ARID4B: variants seen among roughly 807,000 people sequenced by gnomAD.
ARID4B encodes AT-rich interaction domain 4B, also known as AT-rich interactive domain-containing protein 4B.
A neutral mutation model predicts 147.5 loss-of-function variants in ARID4B; 26 were observed. The ratio of observed to expected loss-of-function variants is 0.18; its 90% confidence interval spans 0.13 to 0.24. The LOEUF (loss-of-function observed/expected upper bound fraction) is 0.24, where lower values mean the gene tolerates loss of function less well. Ranked by LOEUF, ARID4B falls within the 10% of genes least tolerant of loss-of-function variation. ARID4B has a pLI of 1.00. For missense variants in ARID4B, 1,179 were observed against 1,511.5 expected, an observed-to-expected ratio of 0.78 and a Z score of 3.65; for synonymous variants, 512 against 507.9, an observed-to-expected ratio of 1.01 and a Z score of -0.11.
chr1:235,239,511 C>T (rs539610046), intron 8 of ARID4B, among the ~76,000 whole-genome samples: 34 of 152,184 alleles, frequency 2.2e-4, no homozygotes, highest in African/African-American at 7.5e-4. Context: ...TAGTTATGTC[C>T]GTGAAAGATA....
intron 20 of ARID4B, among the ~76,000 whole-genome samples, chr1:235,178,841 G>C (rs929884866): frequency 7.7e-6 from 1 of 130,716 alleles, no homozygotes; most frequent in Admixed American, 8.1e-5. Context: ...TTAACTGTCT[G>C]CAACTTCCTA....
At chr1:235,246,544 T>C in intron 6 of ARID4B, 33 bp from the exon 7 acceptor site, 1 of 1,496,066 alleles carries the variant, frequency 6.7e-7, no homozygotes, top group Non-Finnish European at 9.3e-7. Context: ...ATCAAAAAAT[T>C]AACACTTTGC....
intron 12 of ARID4B, among the ~76,000 whole-genome samples, chr1:235,223,685 A>ATTTT (rs58659735): frequency 1.5e-5 from 2 of 134,646 alleles, no homozygotes; most frequent in African/African-American, 2.7e-5. Context: ...GTAAAGCTAC[A>ATTTT]TTTTTTTTTT....
chr1:235,322,996 T>C (rs1178179361), intron 2 of ARID4B, among the ~76,000 whole-genome samples: 1 of 151,758 alleles, frequency 6.6e-6, no homozygotes, highest in Non-Finnish European at 1.5e-5. Context: ...GAAAGAAAAG[T>C]ACATCTGGAA....
At chr1:235,200,003 G>GAAA (rs61519256) in intron 17 of ARID4B, among the ~76,000 whole-genome samples, 2 of 124,534 alleles carry the variant, frequency 1.6e-5, no homozygotes, top group Non-Finnish European at 3.5e-5. Context: ...AAAGAATAGG[G>GAAA]AAAAAAAAAA....
Position 235,172,751 on chromosome 1 carries a change from AT to A in ARID4B, c.3677del (p.Asn1226IlefsTer2). On this transcript the variant is annotated frameshift_variant, in exon 23 of 24. Transcript: ENST00000264183. LOFTEE classifies it high-confidence loss of function. ...KWSFQMSDLE[N>X]MTSAERITIL... is the part of the protein sequence containing the mutation. ...TTGTGATGCGTTCGGCACTTGTCAT[AT>A]TTTCCAGGTCCGCTATAAATTTAAA... 1.3e-6 allele frequency: 2 copies of A among 1,556,018 alleles called. No homozygotes were observed. Among genetic ancestry groups the A allele is most frequent in the South Asian group, 1.2e-5 (1 of 80,280 alleles).
chr1:235,324,934 G>T (rs1460681750), intron 2 of ARID4B, among the ~76,000 whole-genome samples: 1 of 152,032 alleles, frequency 6.6e-6, no homozygotes, highest in African/African-American at 2.4e-5. Context: ...AAGAACGAAA[G>T]AAATTGGGAA....
chr1:235,175,006 T>G (rs1663757066), intron 22 of ARID4B, among the ~76,000 whole-genome samples, 178 bp downstream of exon 22: 1 of 152,062 alleles, frequency 6.6e-6, no homozygotes, highest in Admixed American at 6.6e-5. Context: ...CTTGGGAGGC[T>G]GAGGCAGGAG....
In ARID4B at chr1:235,194,189, T is replaced by G. The variant is rs963560110; in HGVS notation, c.1949A>C (p.Asp650Ala). Residue 650 changes from aspartate (D) to alanine (A), a missense_variant, in exon 19 of 24, where the codon GAC becomes GCC. By Grantham distance (126) the Asp-to-Ala change is moderately radical. Coordinates refer to ENST00000264183, the MANE Select transcript of ARID4B (RefSeq NM_016374.6). ...KIKNKLDKEK[D>A]KDEKYSPKNC... ...TTTTGGAGAGTATTTTTCATCTTTG[T>G]CTTTTTCTTTGTCTAATTTATTCTA... The G allele has an allele frequency of 8.1e-6, 13 of 1,610,482 alleles. 1 individual carries two copies. The Admixed American group carries it at 2.2e-4, about 27-fold the overall frequency.
intron 2 of ARID4B, among the ~76,000 whole-genome samples, chr1:235,313,364 A>G (rs939666772): frequency 6.6e-5 from 10 of 152,076 alleles, no homozygotes; most frequent in Admixed American, 5.9e-4. Context: ...TGAAATAGAC[A>G]TAAGCCAAGC....
chr1:235,225,234 G>A (rs560161933), intron 11 of ARID4B, among the ~76,000 whole-genome samples: 1 of 152,258 alleles, frequency 6.6e-6, no homozygotes, highest in South Asian at 2.1e-4. Context: ...TTAGCTGACT[G>A]CAAGTATCCT....
chr1:235,260,656 G>T lies in ARID4B; in HGVS notation c.103C>A (p.Leu35Ile), dbSNP rs1289741675. Residue 35 changes from leucine to isoleucine, a missense_variant, in exon 3 of 24, where the codon CTT becomes ATT. By Grantham distance (5) the Leu-to-Ile change is conservative. Coordinates refer to ENST00000264183, the MANE Select transcript of ARID4B (RefSeq NM_016374.6). Reference sequence around the variant, plus strand: ...AAATACTGTACCTTGACTTTGACAAGTCTTTTTGCTGTCTTGATCTTGGCT... The same window carrying T: ...AAATACTGTACCTTGACTTTGACAATTCTTTTTGCTGTCTTGATCTTGGCT... ...CEAKIKTAKR[L>I]VKVKVTFRHD... 2 of 1,605,804 alleles carry T rather than the reference G, an allele frequency of 1.2e-6. No individual in the cohort carries two copies. Among genetic ancestry groups the T allele is most frequent in the Admixed American group, 3.4e-5 (2 of 58,168 alleles).
chr1:235,274,842 A>G (rs1402592335), intron 2 of ARID4B, among the ~76,000 whole-genome samples: 4 of 152,222 alleles, frequency 2.6e-5, no homozygotes, highest in African/African-American at 4.8e-5. Context: ...AAGAGGGTAA[A>G]TAATACCTTC....
chr1:235,221,399 T>A (rs1248821488), intron 14 of ARID4B, among the ~76,000 whole-genome samples, 166 bp downstream of exon 14: 1 of 114,954 alleles, frequency 8.7e-6, no homozygotes, highest in East Asian at 2.1e-4. Flanking sequence ...TTCTCATAGA[T>A]CTAGTATCAT....
chr1:235,177,914 C>A lies in ARID4B; in HGVS notation c.3335-1G>T. 1 of 1,544,920 alleles carries A rather than the reference C, an allele frequency of 6.5e-7. No individual in the cohort carries two copies. Among genetic ancestry groups the A allele is most frequent in the Non-Finnish European group, 8.8e-7 (1 of 1,141,794 alleles). On this transcript the variant is annotated splice_acceptor_variant, in intron 20 of 23. Transcript: ENST00000264183. LOFTEE classifies it high-confidence loss of function. ...TTCACTCTTTTCTGACCTGTACAGGCTATGAAGGGAAAGGAATTAAGTAAC... is the reference window on the plus strand; with the variant it reads ...TTCACTCTTTTCTGACCTGTACAGGATATGAAGGGAAAGGAATTAAGTAAC...
chr1:235,193,214 G>T (rs1019794599), intron 19 of ARID4B, among the ~76,000 whole-genome samples: 1 of 152,128 alleles, frequency 6.6e-6, no homozygotes, highest in African/African-American at 2.4e-5. Flanking sequence ...CTGGTCAACA[G>T]GGCAAAACCC....
In ARID4B at chr1:235,326,798, T is replaced by C. The variant is rs1298181516; in HGVS notation, c.6+116A>G. 5.1e-6 allele frequency: 7 copies of C among 1,363,682 alleles called. No homozygotes were observed. The Admixed American group carries it at 1.2e-4, about 23-fold the overall frequency. The allele number at this position is 1,363,682 out of a possible 1,614,324, so 84.5% of individuals were successfully genotyped here. A position where few individuals can be genotyped will look rare whatever the true frequency, so the allele number is the denominator to read the frequency against. ...TCTGGGGAAGGGCTCGGTCACCAAG[T>C]CACCAAACACACCTTCCTCTGCAAA... is the stretch of plus-strand genomic sequence containing the variant. On this transcript the variant is annotated intron_variant, in intron 2 of 23. Transcript: ENST00000264183.
intron 8 of ARID4B, among the ~76,000 whole-genome samples, chr1:235,234,800 T>C (rs992421123): frequency 3.3e-5 from 5 of 152,140 alleles, no homozygotes; most frequent in Admixed American, 2.6e-4. Context: ...AAGGTAGAGT[T>C]AGATCCTTAA....
At chr1:235,231,226 A>T (rs7518225) in intron 9 of ARID4B, 37 bp from the exon 10 acceptor site, 1 of 1,037,210 alleles carries the variant, frequency 9.6e-7, no homozygotes, top group Non-Finnish European at 1.4e-6. Flanking sequence ...AAGAAAAAAA[A>T]CCCAAAATAT....
Sources: allele counts gnomAD v4.1 joint callset (sites outside exome capture counted in the v4.1 genomes callset), GRCh38; gene constraint gnomAD v4.1.1; transcripts MANE v1.5; gene names NCBI Gene and HGNC (gene_info 2026-07-23, HGNC 2026-07-21).